Variants in BTBD9 observed in about 807,000 individuals in gnomAD.
BTBD9 encodes BTB domain containing 9.
Under a neutral mutation model 64.3 loss-of-function variants are expected in BTBD9, and 49 were observed. The ratio of observed to expected loss-of-function variants is 0.76; its 90% CI spans 0.61 to 0.97. The LOEUF (loss-of-function observed/expected upper bound fraction) is 0.97, where lower values mean the gene tolerates loss of function less well. Among genes scored for constraint, BTBD9 ranks in the 50% least tolerant of loss-of-function variants. The probability of loss-of-function intolerance (pLI) is 0.00; values close to 1 mark genes in which losing one functional copy is unlikely to be tolerated. For missense variants in BTBD9, 598 were observed against 762.1 expected, an observed-to-expected ratio of 0.78 and a Z score of 2.53; for synonymous variants, 260 against 274.7, an observed-to-expected ratio of 0.95 and a Z score of 0.53.
intron 8 of BTBD9, among the ~76,000 whole-genome samples, chr6:38,286,325 A>C (rs906246359): frequency 3.3e-5 from 5 of 152,236 alleles, no homozygotes; most frequent in Non-Finnish European, 7.3e-5. Flanking sequence ...CCTAAACATC[A>C]ATAAACCTTT....
chr6:38,618,903 C>G (rs911398588), intron 1 of BTBD9, among the ~76,000 whole-genome samples: 3 of 152,182 alleles, frequency 2.0e-5, no homozygotes. Flanking sequence ...GAGAAAGGGA[C>G]AATTTCCCTA....
At chr6:38,624,061 C>T (rs1319886295) in intron 1 of BTBD9, among the ~76,000 whole-genome samples, 33 of 152,196 alleles carry the variant, frequency 2.2e-4, no homozygotes, top group Non-Finnish European at 2.9e-5. Flanking sequence ...GCTACACTTC[C>T]TGGGTTGAGT....
At chr6:38,493,068 T>G (rs369173200) in intron 6 of BTBD9, among the ~76,000 whole-genome samples, 1 of 151,830 alleles carries the variant, frequency 6.6e-6, no homozygotes, top group Admixed American at 6.6e-5. Context: ...ATTCCATGAG[T>G]TTTAAAATAA....
At chr6:38,412,736 A>G (rs950296211) in intron 6 of BTBD9, among the ~76,000 whole-genome samples, 2 of 152,124 alleles carry the variant, frequency 1.3e-5, no homozygotes, top group South Asian at 2.1e-4. Flanking sequence ...GCGTGTGCCT[A>G]TAATCCAAGC....
At chr6:38,176,200 C>T (rs955069625) in intron 10 of BTBD9, among the ~76,000 whole-genome samples, 7 of 152,226 alleles carry the variant, frequency 4.6e-5, no homozygotes, top group African/African-American at 1.7e-4. Context: ...ACTGCACGAG[C>T]ATGTGTGCAC....
intron 4 of BTBD9, among the ~76,000 whole-genome samples, chr6:38,591,355 G>T (rs1776781186): frequency 6.6e-6 from 1 of 152,114 alleles, no homozygotes; most frequent in African/African-American, 2.4e-5. Flanking sequence ...CAAATCAAAT[G>T]TCAAGGCTCA....
At chr6:38,598,941 T>C (rs567087406) in intron 1 of BTBD9, among the ~76,000 whole-genome samples, 1 of 151,976 alleles carries the variant, frequency 6.6e-6, no homozygotes, top group Non-Finnish European at 1.5e-5. Context: ...ATAATAATAA[T>C]CTTCTGGAGT....
At chr6:38,532,114 G>GA (rs1281375824) in intron 6 of BTBD9, among the ~76,000 whole-genome samples, 5 of 152,310 alleles carry the variant, frequency 3.3e-5, no homozygotes, top group Admixed American at 3.3e-4. Context: ...TACAGAGAAG[G>GA]AATCTGTGCA....
intron 6 of BTBD9, among the ~76,000 whole-genome samples, chr6:38,484,842 T>G (rs1455262980): frequency 6.6e-6 from 1 of 152,210 alleles, no homozygotes; most frequent in African/African-American, 2.4e-5. Flanking sequence ...CGCCTCAATG[T>G]TGATAGCTGC....
intron 9 of BTBD9, among the ~76,000 whole-genome samples, chr6:38,246,619 A>G (rs1764214303): frequency 6.6e-6 from 1 of 152,172 alleles, no homozygotes; most frequent in Non-Finnish European, 1.5e-5. Flanking sequence ...AAAAAACAGA[A>G]AAGAACATGA....
intron 6 of BTBD9, among the ~76,000 whole-genome samples, chr6:38,428,300 C>T (rs1446536627): frequency 1.3e-5 from 2 of 151,810 alleles, no homozygotes; most frequent in Non-Finnish European, 2.9e-5. Flanking sequence ...AGAATAGCAC[C>T]CTGGTTGAAT....
At chr6:38,332,119 C>T (rs1292848754) in intron 7 of BTBD9, among the ~76,000 whole-genome samples, 1 of 152,136 alleles carries the variant, frequency 6.6e-6, no homozygotes, top group African/African-American at 2.4e-5. Flanking sequence ...GTAAGGGAAT[C>T]ATCTTTTTTT....
intron 9 of BTBD9, among the ~76,000 whole-genome samples, chr6:38,254,990 G>C (rs1168468668): frequency 6.6e-6 from 1 of 152,140 alleles, no homozygotes; most frequent in African/African-American, 2.4e-5. Context: ...ATTCATGATA[G>C]CCAAGAAGTG....
At chr6:38,199,518 T>A (rs1885323) in intron 9 of BTBD9, among the ~76,000 whole-genome samples, 59,172 of 151,930 alleles carry the variant, frequency 0.39, 11,926 homozygotes, top group Non-Finnish European at 0.44. Flanking sequence ...TATGTTCTAA[T>A]GGGAAGGAGA....
rs909998 is a variant in BTBD9, at chr6:38,172,882, C to T, written c.*2103G>A. On this transcript the variant is annotated 3_prime_UTR_variant, in exon 11 of 11. Transcript: ENST00000481247. ...AGCTGCCAAGCTGCTATCTCGTTCC[C>T]GGAGCACAGGAGGGCTCTGCGTGCT... is the stretch of plus-strand genomic sequence containing the variant. 0.49 allele frequency: 75,249 copies of T among 152,234 alleles called. 20,459 individuals are homozygous for T. The highest frequency in any genetic ancestry group is 0.62 in the Non-Finnish European group (42,259 of 68,028). The allele number at this position is 152,234 out of a possible 1,614,324, so 9.4% of individuals were successfully genotyped here. A position where few individuals can be genotyped will look rare whatever the true frequency, so the allele number is the denominator to read the frequency against.
intron 9 of BTBD9, 68 bp downstream of exon 9, chr6:38,256,341 G>A (rs1215390847): frequency 2.6e-5 from 30 of 1,151,226 alleles, no homozygotes; most frequent in Non-Finnish European, 3.7e-5. Flanking sequence ...ATTTTCTTTT[G>A]AGCCTCCCAA....
chr6:38,541,331 G>T (rs1021086053), intron 6 of BTBD9, among the ~76,000 whole-genome samples: 4 of 152,134 alleles, frequency 2.6e-5, no homozygotes, highest in African/African-American at 9.7e-5. Flanking sequence ...CATATAGAAG[G>T]TACTCAAAAT....
At chr6:38,633,262 C>A (rs1033308054) in intron 1 of BTBD9, among the ~76,000 whole-genome samples, 1 of 152,174 alleles carries the variant, frequency 6.6e-6, no homozygotes, top group Non-Finnish European at 1.5e-5. Context: ...GTAAAAAGAA[C>A]ACAGGCTGCA....
At chr6:38,414,505 CTTTT>C (rs376100089) in intron 6 of BTBD9, among the ~76,000 whole-genome samples, 24 of 152,242 alleles carry the variant, frequency 1.6e-4, no homozygotes, top group African/African-American at 5.1e-4. Context: ...CAGAAAGACC[CTTTT>C]CTCCCTCTGG....
Sources: allele counts gnomAD v4.1 joint callset (sites outside exome capture counted in the v4.1 genomes callset), GRCh38; gene constraint gnomAD v4.1.1; transcripts MANE v1.5; gene names NCBI Gene and HGNC (gene_info 2026-07-23, HGNC 2026-07-21).